The following JAKMIP2 variants were observed in gnomAD, a reference collection of about 807,000 sequenced individuals.
The protein encoded by JAKMIP2 is janus kinase and microtubule interacting protein 2.
JAKMIP2 carries 25 observed loss-of-function variants against 115.0 expected under a neutral mutation model. The ratio of observed to expected loss-of-function variants is 0.22; its 90% confidence interval spans 0.16 to 0.30. The LOEUF is 0.30. Among genes scored for constraint, JAKMIP2 ranks in the 10% least tolerant of loss-of-function variants. The pLI, the probability that JAKMIP2 is intolerant of heterozygous loss-of-function variation, is 1.00. For synonymous variants in JAKMIP2, 334 were observed against 343.6 expected (o/e 0.97, Z 0.31); for missense variants, 642 against 957.6 (o/e 0.67, Z 4.35).
chr5:147,632,995 C>CATCT (rs1757436288), intron 12 of JAKMIP2, among the ~76,000 whole-genome samples: 1 of 152,278 alleles, frequency 6.6e-6, no homozygotes, highest in Non-Finnish European at 1.5e-5. Context: ...TGCCAGAAGA[C>CATCT]ATCTCTGTTC....
intron 1 of JAKMIP2, among the ~76,000 whole-genome samples, chr5:147,760,615 A>T (rs974865037): frequency 2.0e-5 from 3 of 152,164 alleles, no homozygotes; most frequent in African/African-American, 7.2e-5. Context: ...ATGGAAGCCC[A>T]ACTAGGGCAG....
intron 1 of JAKMIP2, among the ~76,000 whole-genome samples, chr5:147,779,161 C>T (rs573061510): frequency 5.9e-5 from 9 of 152,162 alleles, no homozygotes; most frequent in Admixed American, 4.6e-4. Context: ...CATCCTGAAG[C>T]GGACTTGTAG....
chr5:147,597,623 A>G (rs1429703736), intron 21 of JAKMIP2, among the ~76,000 whole-genome samples: 1 of 152,186 alleles, frequency 6.6e-6, no homozygotes, highest in Non-Finnish European at 1.5e-5. Flanking sequence ...TCAGAAAAGG[A>G]GGATTTTCAA....
chr5:147,737,517 T>C (rs1316578173), intron 1 of JAKMIP2, among the ~76,000 whole-genome samples: 2 of 152,190 alleles, frequency 1.3e-5, no homozygotes, highest in Admixed American at 6.5e-5. Flanking sequence ...TAAGGTATAC[T>C]TTCTGACAAT....
At chr5:147,635,794 C>T (rs1757584311) in intron 12 of JAKMIP2, among the ~76,000 whole-genome samples, 1 of 152,164 alleles carries the variant, frequency 6.6e-6, no homozygotes, top group African/African-American at 2.4e-5. Flanking sequence ...CTCCTGACCT[C>T]AGGTGATCCA....
chr5:147,755,963 T>C (rs1754729171), intron 1 of JAKMIP2, among the ~76,000 whole-genome samples: 1 of 152,198 alleles, frequency 6.6e-6, no homozygotes, highest in African/African-American at 2.4e-5. Context: ...TTATTCTGCA[T>C]ATATATGTAT....
chr5:147,730,381 C>T (rs765866805), intron 1 of JAKMIP2, among the ~76,000 whole-genome samples: 12 of 152,078 alleles, frequency 7.9e-5, no homozygotes, highest in Non-Finnish European at 1.8e-4. Flanking sequence ...CATCTGATCA[C>T]CCTCAATATA....
intron 1 of JAKMIP2, among the ~76,000 whole-genome samples, chr5:147,748,124 A>G (rs1754416291): frequency 6.6e-6 from 1 of 152,236 alleles, no homozygotes; most frequent in Non-Finnish European, 1.5e-5. Context: ...GTTGTAGAGT[A>G]CAGAATGCCA....
At position 147,644,849 on chromosome 5, in the gene JAKMIP2, C is replaced by T. The variant is rs1392676050; in HGVS notation, c.1083+1G>A. The T allele has an allele frequency of 6.2e-7, 1 of 1,612,916 alleles. No individual in the cohort carries two copies. Among genetic ancestry groups the T allele is most frequent in the Admixed American group, 1.7e-5 (1 of 59,818 alleles). ...AGTTTTGCAGAGTCTGTGATACACACCATTTCTGAATTTTCCTTGGTAACG... is the reference window on the plus strand; with the variant it reads ...AGTTTTGCAGAGTCTGTGATACACATCATTTCTGAATTTTCCTTGGTAACG... On this transcript the variant is annotated splice_donor_variant, in intron 6 of 21. Transcript: ENST00000616793. LOFTEE classifies it high-confidence loss of function.
intron 5 of JAKMIP2, among the ~76,000 whole-genome samples, chr5:147,647,486 A>G: frequency 6.6e-6 from 1 of 152,186 alleles, no homozygotes; most frequent in Non-Finnish European, 1.5e-5. Flanking sequence ...AAATCCTAAT[A>G]GTAACTGAAA....
At chr5:147,669,420 G>A (rs952140723) in intron 2 of JAKMIP2, among the ~76,000 whole-genome samples, 3 of 152,152 alleles carry the variant, frequency 2.0e-5, no homozygotes, top group African/African-American at 7.2e-5. Context: ...CTTGGCCTGC[G>A]GGCTTAGACA....
intron 12 of JAKMIP2, among the ~76,000 whole-genome samples, chr5:147,634,898 T>C (rs574093632): frequency 1.3e-5 from 2 of 152,210 alleles, no homozygotes; most frequent in Admixed American, 6.5e-5. Flanking sequence ...ATAAGAAATA[T>C]TCATAAAAAC....
intron 1 of JAKMIP2, among the ~76,000 whole-genome samples, chr5:147,723,414 A>T (rs1237975478): frequency 6.6e-6 from 1 of 151,960 alleles, no homozygotes; most frequent in Non-Finnish European, 1.5e-5. Flanking sequence ...TAACACAATG[A>T]CTTTGTACAT....
intron 1 of JAKMIP2, among the ~76,000 whole-genome samples, chr5:147,716,578 C>T (rs1308643150): frequency 2.0e-5 from 3 of 152,150 alleles, no homozygotes; most frequent in Non-Finnish European, 4.4e-5. Flanking sequence ...TTTTGATTTG[C>T]ATTTCTCTGA....
chr5:147,627,677 G>GAA (rs1581315887), intron 16 of JAKMIP2, among the ~76,000 whole-genome samples: 2 of 15,704 alleles, frequency 1.3e-4, no homozygotes, highest in African/African-American at 2.4e-4. Context: ...AAGCCTTTCT[G>GAA]TAAAAAAAAA....
rs143053857 is a variant in JAKMIP2 at position 147,661,287 on chromosome 5, G to A, written c.288C>T (p.His96=). The change falls in exon 3 of 22, where the codon CAC becomes CAT. Residue 96 remains histidine, a synonymous_variant. Transcript: ENST00000616793. ...TCACCGTCCTTGACATTTCCTGCTCGTGCTGCTTGATAAGGTTCTCCCTCA... is the reference window on the plus strand; with the variant it reads ...TCACCGTCCTTGACATTTCCTGCTCATGCTGCTTGATAAGGTTCTCCCTCA... The part of the protein sequence containing the change: ...QAVRENLIKQ[H]EQEMSRTVKV... 3.2e-4 allele frequency: 521 copies of A among 1,613,746 alleles called. 1 individual carries two copies. The East Asian group carries it at 8.6e-3, about 27-fold the overall frequency.
chr5:147,705,719 T>G (rs1445076145), intron 1 of JAKMIP2, among the ~76,000 whole-genome samples: 2 of 152,210 alleles, frequency 1.3e-5, no homozygotes, highest in Non-Finnish European at 2.9e-5. Context: ...GGATAAAGTG[T>G]ATGGCTGGGA....
chr5:147,604,076 G>C (rs892230192), intron 20 of JAKMIP2, among the ~76,000 whole-genome samples: 1 of 152,144 alleles, frequency 6.6e-6, no homozygotes, highest in Admixed American at 6.5e-5. Flanking sequence ...CCATTCACAA[G>C]TGTGGAAAAT....
At chr5:147,673,021 G>A in intron 1 of JAKMIP2, among the ~76,000 whole-genome samples, 1 of 152,190 alleles carries the variant, frequency 6.6e-6, no homozygotes, top group Non-Finnish European at 1.5e-5. Context: ...TGGCAGGTGT[G>A]TGCCCTAACA....
Sources: allele counts gnomAD v4.1 joint callset (sites outside exome capture counted in the v4.1 genomes callset), GRCh38; gene constraint gnomAD v4.1.1; transcripts MANE v1.5; gene names NCBI Gene and HGNC (gene_info 2026-07-23, HGNC 2026-07-21).